ANO3: variants seen among roughly 807,000 people sequenced by gnomAD.
ANO3 encodes the protein anoctamin-3.
In ANO3, 99 loss-of-function variants were observed where a neutral mutation model predicts 144.8. The ratio of observed to expected loss-of-function variants is 0.68; its 90% CI spans 0.58 to 0.81. ANO3 has a LOEUF of 0.81. Among genes scored for constraint, ANO3 ranks in the 30% least tolerant of loss-of-function variants. ANO3 has a pLI of 0.00. For synonymous variants in ANO3, 414 were observed against 392.6 expected (o/e 1.05, Z -0.64); for missense variants, 905 against 1,202.2 (o/e 0.75, Z 3.66).
At chr11:26,616,712 C>T (rs1314101389) in intron 17 of ANO3, among the ~76,000 whole-genome samples, 2 of 152,114 alleles carry the variant, frequency 1.3e-5, no homozygotes, top group Admixed American at 6.5e-5. Flanking sequence ...ATAATAGAAC[C>T]TGAATTTGAA....
rs745493725 is a variant in ANO3, at chr11:26,565,272, TC to T, written c.1447+5494del. 5 of 1,601,736 alleles carry T rather than the reference TC, an allele frequency of 3.1e-6. No individual in the cohort carries two copies. The East Asian group carries it at 9.0e-5, about 29-fold the overall frequency. On this transcript the variant is annotated intron_variant, in intron 14 of 26. Transcript: ENST00000256737. ...ATAAGGGGTAAACCCAGTGAAGCTA[TC>T]ACTGTTTGTGGTAAGCCATCCACTT...
At chr11:26,260,559 G>A (rs974419515) in intron 1 of ANO3, among the ~76,000 whole-genome samples, 2 of 152,088 alleles carry the variant, frequency 1.3e-5, no homozygotes, top group African/African-American at 2.4e-5. Context: ...TGGAAAAGGA[G>A]AATAACACTT....
chr11:26,398,249 G>A (rs1384195849), intron 1 of ANO3, among the ~76,000 whole-genome samples: 1 of 152,010 alleles, frequency 6.6e-6, no homozygotes, highest in East Asian at 1.9e-4. Flanking sequence ...AATGTCATAA[G>A]TGATTTTGAA....
intron 12 of ANO3, among the ~76,000 whole-genome samples, chr11:26,547,840 A>G (rs1849827283): frequency 6.6e-6 from 1 of 151,910 alleles, no homozygotes; most frequent in Non-Finnish European, 1.5e-5. Flanking sequence ...GCTTTGTGTG[A>G]TTTACATTTG....
intron 4 of ANO3, among the ~76,000 whole-genome samples, chr11:26,500,932 G>A (rs1056191445): frequency 6.6e-6 from 1 of 152,088 alleles, no homozygotes; most frequent in Non-Finnish European, 1.5e-5. Context: ...TCTAATTTAG[G>A]AGTGTAAATC....
chr11:26,527,626 G>C (rs531945356), intron 7 of ANO3, among the ~76,000 whole-genome samples: 10 of 152,224 alleles, frequency 6.6e-5, no homozygotes, highest in South Asian at 4.1e-4. Flanking sequence ...AGTGGGAAAG[G>C]TATTTTCCTC....
At chr11:26,266,985 G>A (rs1415927138) in intron 1 of ANO3, among the ~76,000 whole-genome samples, 2 of 151,232 alleles carry the variant, frequency 1.3e-5, no homozygotes, top group Admixed American at 6.6e-5. Flanking sequence ...CCAGCTACTC[G>A]GGAGGCTGAG....
chr11:26,552,309 G>A (rs972956427), intron 12 of ANO3, among the ~76,000 whole-genome samples: 2 of 140,750 alleles, frequency 1.4e-5, no homozygotes, highest in Non-Finnish European at 3.2e-5. Context: ...AAATTCACAC[G>A]CATTCTTTTT....
chr11:26,319,579 A>C (rs1205217926), intron 1 of ANO3, among the ~76,000 whole-genome samples: 2 of 152,148 alleles, frequency 1.3e-5, no homozygotes, highest in East Asian at 1.9e-4. Flanking sequence ...CATCCAGGAG[A>C]TGGATTATTG....
chr11:26,635,139 G>C (rs1441686132), intron 20 of ANO3, 69 bp downstream of exon 20: 1 of 1,414,412 alleles, frequency 7.1e-7, no homozygotes, highest in African/African-American at 1.4e-5. Flanking sequence ...GGGAGGAAGG[G>C]AGCTGAAGAA....
intron 1 of ANO3, among the ~76,000 whole-genome samples, chr11:26,319,752 C>T (rs1029747645): frequency 6.6e-6 from 1 of 151,988 alleles, no homozygotes; most frequent in African/African-American, 2.4e-5. Flanking sequence ...TCTATGACTT[C>T]CAGAGAAAAA....
chr11:26,634,707 C>G (rs1200228887), intron 19 of ANO3, among the ~76,000 whole-genome samples: 1 of 152,210 alleles, frequency 6.6e-6, no homozygotes, highest in South Asian at 2.1e-4. Context: ...CATTTTGGAT[C>G]AAACAATGCA....
At chr11:26,623,473 A>C (rs1027741839) in intron 17 of ANO3, among the ~76,000 whole-genome samples, 13 of 152,270 alleles carry the variant, frequency 8.5e-5, no homozygotes, top group African/African-American at 3.1e-4. Flanking sequence ...AATATTGTGA[A>C]ATGTATGCCC....
At chr11:26,633,412 A>G (rs7941987) in intron 18 of ANO3, among the ~76,000 whole-genome samples, 52,833 of 152,032 alleles carry the variant, frequency 0.35, 9,777 homozygotes, top group South Asian at 0.48. Context: ...AGGCTGAGAT[A>G]AGAGCTCAGC....
chr11:26,407,068 G>GTATATATA (rs760132418), intron 1 of ANO3, among the ~76,000 whole-genome samples: 15,100 of 94,764 alleles, frequency 0.16, 1,391 homozygotes, highest in South Asian at 0.24. Flanking sequence ...GTGTGTGTGT[G>GTATATATA]TGTGTGTGTA....
chr11:26,638,337 T>C (rs1281854061), intron 20 of ANO3, among the ~76,000 whole-genome samples: 2 of 152,172 alleles, frequency 1.3e-5, no homozygotes, highest in Non-Finnish European at 2.9e-5. Flanking sequence ...GTGAGGAAAA[T>C]AGCACTTCAC....
chr11:26,416,325 T>G (rs758626276), intron 1 of ANO3, among the ~76,000 whole-genome samples: 3 of 152,106 alleles, frequency 2.0e-5, no homozygotes, highest in Non-Finnish European at 4.4e-5. Context: ...GGGTAATTAT[T>G]TTCAAGGCTT....
chr11:26,282,719 T>C (rs1217847105), intron 1 of ANO3, among the ~76,000 whole-genome samples: 2 of 152,210 alleles, frequency 1.3e-5, no homozygotes, highest in Admixed American at 1.3e-4. Context: ...TGTATCATCT[T>C]ACCAAGCATC....
chr11:26,599,127 G>C (rs1455505368), intron 16 of ANO3, 129 bp downstream of exon 16: 3 of 969,272 alleles, frequency 3.1e-6, no homozygotes, highest in Non-Finnish European at 4.7e-6. Flanking sequence ...TTGGTAACAC[G>C]TACAATTAAA....
Sources: allele counts gnomAD v4.1 joint callset (sites outside exome capture counted in the v4.1 genomes callset), GRCh38; gene constraint gnomAD v4.1.1; transcripts MANE v1.5; gene names NCBI Gene and HGNC (gene_info 2026-07-23, HGNC 2026-07-21).